Variants in ABCC12 observed in about 807,000 individuals in gnomAD.
The protein encoded by ABCC12 is ATP binding cassette subfamily C member 12.
In ABCC12, 142 loss-of-function variants were observed where a neutral mutation model predicts 151.1. That is an observed-to-expected ratio of 0.94 (90% CI 0.82 to 1.08). The LOEUF (loss-of-function observed/expected upper bound fraction) is 1.08. ABCC12 is among the 50% of genes least tolerant of loss of function. ABCC12 has a pLI of 0.00. For missense variants in ABCC12, 1,638 were observed against 1,691.1 expected (o/e 0.97, Z 0.55); for synonymous variants, 645 against 646.4 (o/e 1.00, Z 0.03).
In ABCC12 at chr16:48,121,645, A is replaced by G. The variant is rs1389428808; in HGVS notation, c.1712+71T>C. On this transcript the variant is annotated intron_variant, in intron 13 of 30. Transcript: ENST00000311303. ...AGAACCCACTTAGCAGTCATTACCA[A>G]CAGCATCAGCATCTGTAGGAGAGTG... 2.8e-5 allele frequency: 44 copies of G among 1,582,618 alleles called. 1 individual carries two copies. Among genetic ancestry groups the G allele is most frequent in the Middle Eastern group, 1.7e-4 (1 of 5,990 alleles).
At position 48,111,866 on chromosome 16, in the gene ABCC12, C is replaced by T. The variant is rs1457633628; in HGVS notation, c.2034G>A (p.Glu678=). 2 of 1,614,038 alleles carry T rather than the reference C, an allele frequency of 1.2e-6. No individual in the cohort carries two copies. The highest frequency in any genetic ancestry group is 2.7e-5 in the African/African-American group (2 of 74,910). The change falls in exon 16 of 31, where the codon GAG becomes GAA. Residue 678 remains glutamate (E), a synonymous_variant. Coordinates refer to ENST00000311303, the MANE Select transcript of ABCC12 (RefSeq NM_001393797.1). ...CCTTGTGGGTTCCCTTTTCACAAAT[C>T]TCTCCATCTTCTAATAAAATAACTT... ...CDEVILLEDG[E]ICEKGTHKEL...
At chr16:48,125,503 A>G (rs1964209740) in intron 11 of ABCC12, among the ~76,000 whole-genome samples, 2 of 152,176 alleles carry the variant, frequency 1.3e-5, no homozygotes, top group African/African-American at 4.8e-5. Flanking sequence ...GCCACAGGTG[A>G]CATTTGGGTA....
In ABCC12 at chr16:48,083,503, C is replaced by A; in HGVS notation, c.*212G>T. On this transcript the variant is annotated 3_prime_UTR_variant, in exon 31 of 31. Coordinates refer to ENST00000311303, the MANE Select transcript of ABCC12 (RefSeq NM_001393797.1). Reference sequence around the variant, plus strand: ...TTTAATCCATTAGCTGGGTCTGCCCCGGTTCACCACCCAGAACCAACCCCA... The same window carrying A: ...TTTAATCCATTAGCTGGGTCTGCCCAGGTTCACCACCCAGAACCAACCCCA... 1.8e-6 allele frequency: 1 copy of A among 569,040 alleles called. No individual in the cohort carries two copies. The highest frequency in any genetic ancestry group is 3.0e-6 in the Non-Finnish European group (1 of 328,148). The allele number at this position is 569,040 out of a possible 1,614,324, so 35.2% of individuals were successfully genotyped here. A position where few individuals can be genotyped will look rare whatever the true frequency, so the allele number is the denominator to read the frequency against.
At chr16:48,138,677 T>C (rs1206552865) in intron 7 of ABCC12, among the ~76,000 whole-genome samples, 4 of 152,150 alleles carry the variant, frequency 2.6e-5, no homozygotes, top group Non-Finnish European at 5.9e-5. Context: ...TTTAAAAACC[T>C]TCACTGTGGC....
rs75016734 is a variant in ABCC12 at position 48,144,791 on chromosome 16, A to G, written c.120-726T>C. 2.2e-4 allele frequency among the ~76,000 whole-genome samples: 33 copies of G among 152,266 alleles called. No individual in the cohort carries two copies. The East Asian group carries it at 6.4e-3, about 29-fold the overall frequency. On this transcript the variant is annotated intron_variant, in intron 3 of 30. Coordinates refer to ENST00000311303, the MANE Select transcript of ABCC12 (RefSeq NM_001393797.1). ...GGAGAATTCAAGCTAAAATCATGTG[A>G]ATAAGGTACTACGAGCTCAGCACAT...
intron 14 of ABCC12, among the ~76,000 whole-genome samples, chr16:48,116,899 C>G (rs899507544): frequency 2.6e-5 from 4 of 152,210 alleles, no homozygotes; most frequent in Admixed American, 6.5e-5. Flanking sequence ...GACCCCCATA[C>G]TCCTGGCCTG....
At chr16:48,108,857 G>C (rs1403997835) in intron 18 of ABCC12, among the ~76,000 whole-genome samples, 1 of 152,194 alleles carries the variant, frequency 6.6e-6, no homozygotes, top group African/African-American at 2.4e-5. Context: ...AATACATGAG[G>C]TTTATTTGGG....
intron 8 of ABCC12, among the ~76,000 whole-genome samples, chr16:48,137,849 G>C (rs533158157): frequency 6.6e-6 from 1 of 152,318 alleles, no homozygotes; most frequent in East Asian, 1.9e-4. Flanking sequence ...CAGGCAAAGA[G>C]GTCTGTGTAA....
At chr16:48,148,607 A>C (rs1436629398) in intron 2 of ABCC12, among the ~76,000 whole-genome samples, 1 of 152,114 alleles carries the variant, frequency 6.6e-6, no homozygotes. Context: ...TGAGAGTATT[A>C]GCAGCTACCA....
Position 48,152,372 on chromosome 16 carries a change from C to T in ABCC12, c.-51+1244G>A, listed in dbSNP as rs193255261. On this transcript the variant is annotated intron_variant, in intron 2 of 30. Transcript: ENST00000311303. ...AAGAAAAGAAGCCTGAACCCAAGTACGGCCTTTGGGCACGGTCTTTCTACC... is the reference window on the plus strand; with the variant it reads ...AAGAAAAGAAGCCTGAACCCAAGTATGGCCTTTGGGCACGGTCTTTCTACC... Among the ~76,000 whole-genome samples, 107 of 152,322 alleles carry T rather than the reference C, an allele frequency of 7.0e-4. 2 individuals carry two copies. In the East Asian group the frequency reaches 0.015, roughly 21 times the overall value.
At chr16:48,134,483 T>C (rs1436216511) in intron 8 of ABCC12, among the ~76,000 whole-genome samples, 2 of 152,216 alleles carry the variant, frequency 1.3e-5, no homozygotes, top group Admixed American at 6.5e-5. Flanking sequence ...TCTTAACATA[T>C]GTCCTTGAGT....
chr16:48,085,797 A>G, intron 28 of ABCC12, 91 bp from the exon 29 acceptor site: 2 of 1,032,368 alleles, frequency 1.9e-6, no homozygotes, highest in Non-Finnish European at 1.5e-6. Context: ...TCTTGCATTC[A>G]TCAGCTTGCT....
intron 22 of ABCC12, among the ~76,000 whole-genome samples, chr16:48,102,531 C>T (rs1963341906): frequency 6.6e-6 from 1 of 152,104 alleles, no homozygotes; most frequent in Non-Finnish European, 1.5e-5. Context: ...ACCTGGACAC[C>T]CTAACAATTT....
intron 22 of ABCC12, among the ~76,000 whole-genome samples, chr16:48,102,343 A>AC (rs1424960935): frequency 6.6e-6 from 1 of 152,186 alleles, no homozygotes; most frequent in Non-Finnish European, 1.5e-5. Context: ...GGGTATTTAA[A>AC]CCCCAGAAAA....
intron 11 of ABCC12, among the ~76,000 whole-genome samples, chr16:48,125,864 G>T (rs746277532): frequency 1.3e-5 from 2 of 152,200 alleles, no homozygotes; most frequent in Non-Finnish European, 2.9e-5. Context: ...ATAAAATAGT[G>T]ATCCACACAG....
At chr16:48,107,563 G>A in intron 19 of ABCC12, 138 bp from the exon 20 acceptor site, 1 of 676,170 alleles carries the variant, frequency 1.5e-6, no homozygotes, top group East Asian at 2.7e-5. Flanking sequence ...CCACCTGCTA[G>A]ACTGATGCAG....
chr16:48,098,786 A>G (rs970662974), intron 23 of ABCC12, among the ~76,000 whole-genome samples: 5 of 152,200 alleles, frequency 3.3e-5, no homozygotes, highest in African/African-American at 1.2e-4. Context: ...AGCCCTTTGG[A>G]AAGAAACTAT....
chr16:48,097,413 T>A (rs1213455749), intron 23 of ABCC12, among the ~76,000 whole-genome samples: 1 of 152,152 alleles, frequency 6.6e-6, no homozygotes, highest in Non-Finnish European at 1.5e-5. Context: ...GCATGTTAGG[T>A]TTCCCTCCCT....
intron 3 of ABCC12, among the ~76,000 whole-genome samples, chr16:48,145,656 G>T (rs887900696): frequency 6.6e-6 from 1 of 152,228 alleles, no homozygotes; most frequent in Non-Finnish European, 1.5e-5. Context: ...TCCCTTGGAA[G>T]CCTGCCACAT....
Sources: allele counts gnomAD v4.1 joint callset (sites outside exome capture counted in the v4.1 genomes callset), GRCh38; gene constraint gnomAD v4.1.1; transcripts MANE v1.5; gene names NCBI Gene and HGNC (gene_info 2026-07-23, HGNC 2026-07-21).